The following CLEC4D variants were observed in gnomAD, a reference collection of about 807,000 sequenced individuals.
CLEC4D encodes the protein C-type lectin domain family 4 member D.
Under a neutral mutation model 21.1 loss-of-function variants are expected in CLEC4D, and 21 were observed. That is an observed-to-expected ratio of 1.00 (90% CI 0.71 to 1.43). The LOEUF is 1.43. Among genes scored for constraint, CLEC4D ranks in the 40% most tolerant of loss-of-function variants. CLEC4D has a pLI of 0.00. For missense variants in CLEC4D, 289 were observed against 260.7 expected (o/e 1.11, Z -0.75); for synonymous variants, 85 against 83.1 (o/e 1.02, Z -0.12).
chr12:8,529,197 A>T, the CLEC4D span, among the ~76,000 whole-genome samples: 5 of 152,216 alleles, frequency 3.3e-5, no homozygotes, highest in Non-Finnish European at 5.9e-5. Flanking sequence ...AAATTTTCCA[A>T]GGAAGATTTT....
Position 8,518,256 on chromosome 12 carries a change from G to T in CLEC4D, c.214G>T (p.Glu72Ter). 1 of 1,244,088 alleles carries T rather than the reference G, an allele frequency of 8.0e-7. No homozygotes were observed. Among genetic ancestry groups the T allele is most frequent in the South Asian group, 1.2e-5 (1 of 82,868 alleles). 77.1% of individuals were successfully genotyped at this position (1,244,088 alleles called of 1,614,324 possible). Residue 72 changes from glutamate to a stop codon, truncating the protein, a stop_gained, in exon 3 of 6, where the codon GAA (glutamate) becomes TAA (stop). Coordinates refer to ENST00000299665, the MANE Select transcript of CLEC4D (RefSeq NM_080387.5). LOFTEE classifies it high-confidence loss of function. ...GCTCAAATGCATCAAAGAGAAATCA[G>T]AACTGAAAAGTGCTGAAGGTACAGA... Reference protein sequence around the residue: ...AKLKCIKEKSELKSAEGSTWN... With the variant: ...AKLKCIKEKS
downstream of CLEC4D, among the ~76,000 whole-genome samples, chr12:8,525,555 TC>T (rs1940499587): frequency 6.6e-6 from 1 of 152,308 alleles, no homozygotes; most frequent in South Asian, 2.1e-4. Flanking sequence ...TTTTCCTCCA[TC>T]CCTTTATTTT....
At position 8,515,245 on chromosome 12, in the gene CLEC4D, G is replaced by A; in HGVS notation, c.38G>A (p.Gly13Asp). 7.1e-7 allele frequency: 1 copy of A among 1,416,238 alleles called. No individual in the cohort carries two copies. The highest frequency in any genetic ancestry group is 1.1e-5 in the South Asian group (1 of 87,118). 87.7% of individuals were successfully genotyped at this position (1,416,238 alleles called of 1,614,324 possible). Residue 13 changes from glycine to aspartate, a missense_variant, in exon 2 of 6, where the codon GGC (glycine) becomes GAC (aspartate). Gly to Asp is a moderately conservative substitution (Grantham distance 94, BLOSUM62 -1). Coordinates refer to ENST00000299665, the MANE Select transcript of CLEC4D (RefSeq NM_080387.5). The stretch of plus-strand genomic sequence containing the variant: ...TTTCTTTTGGTCCTAGTGGAAGGAG[G>A]CATGCATCCCCAGCTGATACCTTCG... ...LEKPQSKLEG[G>D]MHPQLIPSVI...
downstream of CLEC4D, among the ~76,000 whole-genome samples, chr12:8,526,365 C>T (rs2136391899): frequency 6.6e-6 from 1 of 152,162 alleles, no homozygotes; most frequent in Non-Finnish European, 1.5e-5. Flanking sequence ...TCCCATATTT[C>T]TTGGAGGATT....
At chr12:8,518,028 C>G (rs1940404633) in intron 2 of CLEC4D, 136 bp from the exon 3 acceptor site, 2 of 499,178 alleles carry the variant, frequency 4.0e-6, no homozygotes, top group Admixed American at 6.8e-5. Flanking sequence ...CTGAAACAAA[C>G]AAGCTGCATA....
the CLEC4D span, among the ~76,000 whole-genome samples, chr12:8,530,394 A>G: frequency 6.6e-6 from 1 of 151,758 alleles, no homozygotes; most frequent in African/African-American, 2.4e-5. Flanking sequence ...TCCCAGGGAA[A>G]TATAGTGAAA....
chr12:8,516,777 T>C (rs1161029003), intron 2 of CLEC4D, among the ~76,000 whole-genome samples: 3 of 152,222 alleles, frequency 2.0e-5, no homozygotes, highest in Non-Finnish European at 4.4e-5. Context: ...GCTTATGTGC[T>C]CCAAATGCAT....
chr12:8,520,153 A>C, intron 4 of CLEC4D, 73 bp from the exon 5 acceptor site: 1 of 1,566,832 alleles, frequency 6.4e-7, no homozygotes, highest in Non-Finnish European at 8.7e-7. Flanking sequence ...TAGTTGACAT[A>C]TTTCCTCTTT....
intron 2 of CLEC4D, among the ~76,000 whole-genome samples, chr12:8,516,598 T>C (rs1940384812): frequency 6.6e-6 from 1 of 152,350 alleles, no homozygotes; most frequent in Non-Finnish European, 1.5e-5. Flanking sequence ...AGTCTGGCAC[T>C]ACTAAATATT....
the CLEC4D span, among the ~76,000 whole-genome samples, chr12:8,530,013 A>G: frequency 3.9e-5 from 6 of 152,230 alleles, no homozygotes; most frequent in Non-Finnish European, 8.8e-5. Context: ...ACAATCCTCT[A>G]GAAGAATTTG....
At chr12:8,531,099 T>C in the CLEC4D span, among the ~76,000 whole-genome samples, 13 of 152,052 alleles carry the variant, frequency 8.5e-5, no homozygotes, top group African/African-American at 3.1e-4. Context: ...TCCTCCTCAC[T>C]CTAGCTCAGG....
intron 3 of CLEC4D, 88 bp from the exon 4 acceptor site, chr12:8,518,921 A>G: frequency 6.8e-7 from 1 of 1,466,864 alleles, no homozygotes. Context: ...ACAAATATTA[A>G]TTGGATATAG....
intron 1 of CLEC4D, among the ~76,000 whole-genome samples, chr12:8,514,012 AAG>A (rs1219851426): frequency 1.3e-5 from 2 of 152,120 alleles, no homozygotes; most frequent in Non-Finnish European, 2.9e-5. Context: ...GATGAAAAGA[AAG>A]AGAGTAATAT....
the CLEC4D span, among the ~76,000 whole-genome samples, chr12:8,530,479 CGAA>C: frequency 1.6e-3 from 231 of 147,672 alleles, no homozygotes; most frequent in African/African-American, 5.6e-3. Context: ...AAAAAAAGCC[CGAA>C]GAAGTGAAAT....
chr12:8,513,781 C>T, intron 1 of CLEC4D, 21 bp downstream of exon 1: 2 of 996,082 alleles, frequency 2.0e-6, no homozygotes, highest in Non-Finnish European at 3.2e-6. Context: ...TCTCTCCTTT[C>T]CATTTCAAAG....
Position 8,513,700 on chromosome 12 carries a change from G to A in CLEC4D, c.-33G>A, listed in dbSNP as rs73250517. 12,971 of 980,384 alleles carry A rather than the reference G, an allele frequency of 0.013. 669 individuals are homozygous for A. The highest frequency in any genetic ancestry group is 0.11 in the South Asian group (8,783 of 77,674). The allele number at this position is 980,384 out of a possible 1,614,324, so 60.7% of individuals were successfully genotyped here. A position where few individuals can be genotyped will look rare whatever the true frequency, so the allele number is the denominator to read the frequency against. ...AAAAAAAATAGAACAAATTCTTGCC[G>A]TCCTGACCATTGAACAAGAGACTAA... On this transcript the variant is annotated 5_prime_UTR_variant, in exon 1 of 6. Coordinates refer to ENST00000299665, the MANE Select transcript of CLEC4D (RefSeq NM_080387.5).
chr12:8,520,099 A>G (rs1940438637), intron 4 of CLEC4D, 127 bp from the exon 5 acceptor site: 4 of 1,401,990 alleles, frequency 2.9e-6, no homozygotes, highest in Non-Finnish European at 3.8e-6. Flanking sequence ...GGATTTGAAA[A>G]CAGATCTATC....
At chr12:8,518,308 C>T (rs1160934116) in intron 3 of CLEC4D, 34 bp downstream of exon 3, 1 of 839,036 alleles carries the variant, frequency 1.2e-6, no homozygotes, top group South Asian at 1.4e-5. Context: ...TTTTTAATTT[C>T]CATTTTCGTT....
chr12:8,520,090 G>A (rs1591720556), intron 4 of CLEC4D, 136 bp from the exon 5 acceptor site: 2 of 1,369,412 alleles, frequency 1.5e-6, no homozygotes, highest in East Asian at 2.7e-5. Context: ...TTACAGGCAG[G>A]ATTTGAAAAC....
Sources: allele counts gnomAD v4.1 joint callset (sites outside exome capture counted in the v4.1 genomes callset), GRCh38; gene constraint gnomAD v4.1.1; transcripts MANE v1.5; gene names NCBI Gene and HGNC (gene_info 2026-07-23, HGNC 2026-07-21).